The following ZNF836 variants were observed in gnomAD, a reference collection of about 807,000 sequenced individuals.
The protein encoded by ZNF836 is zinc finger protein 836.
A neutral mutation model predicts 7.4 loss-of-function variants in ZNF836; 12 were observed. The observed-to-expected ratio is 1.61, with a 90% CI of 1.03 to 2.61. ZNF836 has a LOEUF of 2.61. Among genes scored for constraint, ZNF836 ranks in the 30% most tolerant of loss-of-function variants. ZNF836 has a pLI of 0.00. For missense variants in ZNF836, 998 were observed against 1,126.2 expected (o/e 0.89, Z 1.63); for synonymous variants, 365 against 382.6 (o/e 0.95, Z 0.54).
Position 52,156,406 on chromosome 19 carries a change from C to G in ZNF836, c.1277G>C (p.Ser426Thr), listed in dbSNP as rs1433765075. The G allele has an allele frequency of 1.2e-6, 2 of 1,614,090 alleles. No homozygotes were observed. Among genetic ancestry groups the G allele is most frequent in the Non-Finnish European group, 1.7e-6 (2 of 1,180,014 alleles). The change falls in exon 5 of 5, where the codon AGC (serine) becomes ACC (threonine). Residue 426 changes from serine (S) to threonine (T), a missense_variant. Ser to Thr is a moderately conservative substitution (Grantham distance 58, BLOSUM62 1). Transcript: ENST00000682614. ...CDECGKTFKR[S>T]SSLTTHQIIH... ...TATCTGATGTGTAGTGAGGCTGGAG[C>G]TCCGTTTAAAGGTTTTGCCACACTC... is the stretch of plus-strand genomic sequence containing the variant.
At chr19:52,163,021 C>T (rs1458030873) in intron 3 of ZNF836, among the ~76,000 whole-genome samples, 2 of 152,184 alleles carry the variant, frequency 1.3e-5, no homozygotes, top group Admixed American at 6.5e-5. Flanking sequence ...AGGACCTCTG[C>T]TCTGAAATAC....
intron 2 of ZNF836, among the ~76,000 whole-genome samples, chr19:52,169,215 A>G (rs1299117692): frequency 6.6e-6 from 1 of 152,244 alleles, no homozygotes; most frequent in East Asian, 1.9e-4. Flanking sequence ...TTATTTATAG[A>G]AAGGCAGATA....
intron 3 of ZNF836, among the ~76,000 whole-genome samples, chr19:52,163,580 C>G (rs1268734941): frequency 1.3e-5 from 2 of 152,060 alleles, no homozygotes; most frequent in Non-Finnish European, 2.9e-5. Context: ...CGAAACCATC[C>G]TGGCCAACAT....
Position 52,160,181 on chromosome 19 carries a change from T to C in ZNF836, c.142+284A>G, listed in dbSNP as rs953599947. 3.2e-5 allele frequency: 15 copies of C among 475,150 alleles called. No homozygotes were observed. The African/African-American group carries it at 3.9e-4, about 12-fold the overall frequency. 29.4% of individuals were successfully genotyped at this position (475,150 alleles called of 1,614,324 possible). ...CTGGGAGACAAAGCTAGACTCTGTCTCCATTAAAAAAAAAAAAAAAAAAAA... is the reference window on the plus strand; with the variant it reads ...CTGGGAGACAAAGCTAGACTCTGTCCCCATTAAAAAAAAAAAAAAAAAAAA... On this transcript the variant is annotated intron_variant, in intron 4 of 4. Coordinates refer to ENST00000682614, the MANE Select transcript of ZNF836 (RefSeq NM_001102657.3).
At chr19:52,170,697 A>G (rs2089300868) in intron 1 of ZNF836, among the ~76,000 whole-genome samples, 2 of 151,692 alleles carry the variant, frequency 1.3e-5, no homozygotes, top group Admixed American at 6.6e-5. Context: ...GCAAATCCCT[A>G]AATTATCATC....
chr19:52,160,786 A>G (rs776839610), intron 3 of ZNF836, 195 bp from the exon 4 acceptor site: 7 of 607,780 alleles, frequency 1.2e-5, no homozygotes, highest in Non-Finnish European at 1.9e-5. Flanking sequence ...TATCCCGTAA[A>G]TCAGTGTAGG....
chr19:52,158,717 T>A (rs2089188083), intron 4 of ZNF836, among the ~76,000 whole-genome samples: 1 of 152,092 alleles, frequency 6.6e-6, no homozygotes, highest in Non-Finnish European at 1.5e-5. Flanking sequence ...CACTCCAGTC[T>A]GGGTGACAGA....
Position 52,155,265 on chromosome 19 carries a change from G to A in ZNF836, c.2418C>T (p.Tyr806=), listed in dbSNP as rs372069376. Residue 806 remains tyrosine (Y), a synonymous_variant, in exon 5 of 5, where the codon TAC becomes TAT. Coordinates refer to ENST00000682614, the MANE Select transcript of ZNF836 (RefSeq NM_001102657.3). ...HRSIHTGEKP[Y]VCNECGKAFR... is the part of the protein sequence containing the mutation. ...AGGCTTTGCCACACTCATTACACACGTAAGGTTTCTCTCCAGTATGAATAC... is the reference window on the plus strand; with the variant it reads ...AGGCTTTGCCACACTCATTACACACATAAGGTTTCTCTCCAGTATGAATAC... 3.3e-5 allele frequency: 54 copies of A among 1,613,680 alleles called. No individual in the cohort carries two copies. The South Asian group carries it at 5.1e-4, about 15-fold the overall frequency.
At chr19:52,170,399 A>T (rs931643735) in intron 1 of ZNF836, 17 of 150,592 alleles carry the variant, frequency 1.1e-4, no homozygotes, top group African/African-American at 4.2e-4. Flanking sequence ...AGCACCCCCA[A>T]CTCCCTAGGC....
rs752730601 is a variant in ZNF836, at chr19:52,157,012, C to T, written c.671G>A (p.Gly224Asp). Residue 224 changes from glycine (G) to aspartate (D), a missense_variant, in exon 5 of 5, where the codon GGC becomes GAC. Coordinates refer to ENST00000682614, the MANE Select transcript of ZNF836 (RefSeq NM_001102657.3). The part of the protein sequence containing the change: ...REKPYMCKGC[G>D]KAFRVSSSLI... ...ACTTGAAGACACTCTAAAGGCTTTGCCACACCCTTTACACATATAAGGTTT... is the reference window on the plus strand; with the variant it reads ...ACTTGAAGACACTCTAAAGGCTTTGTCACACCCTTTACACATATAAGGTTT... 1.2e-6 allele frequency: 2 copies of T among 1,614,162 alleles called. No homozygotes were observed. The highest frequency in any genetic ancestry group is 1.1e-5 in the South Asian group (1 of 91,088).
chr19:52,163,794 T>C lies in ZNF836; in HGVS notation c.16-3203A>G, dbSNP rs72483952. Reference sequence around the variant, plus strand: ...AGACACTAGGTAAGATCTAGTACCATAGGTGACTGCAGCACCAGAGTCTTC... The same window carrying C: ...AGACACTAGGTAAGATCTAGTACCACAGGTGACTGCAGCACCAGAGTCTTC... On this transcript the variant is annotated intron_variant, in intron 3 of 4. Coordinates refer to ENST00000682614, the MANE Select transcript of ZNF836 (RefSeq NM_001102657.3). 8.5e-4 allele frequency among the ~76,000 whole-genome samples: 129 copies of C among 151,872 alleles called. 1 individual carries two copies. In the East Asian group the frequency reaches 0.021, roughly 24 times the overall value.
At chr19:52,167,545 G>T (rs1253474981) in intron 3 of ZNF836, among the ~76,000 whole-genome samples, 1 of 146,250 alleles carries the variant, frequency 6.8e-6, no homozygotes, top group Non-Finnish European at 1.5e-5. Context: ...GTATCTAATT[G>T]TCCATTCCAT....
At chr19:52,171,242 G>C (rs1045769213) in intron 1 of ZNF836, 94 bp downstream of exon 1, 5 of 152,394 alleles carry the variant, frequency 3.3e-5, no homozygotes, top group African/African-American at 1.2e-4. Flanking sequence ...ACCTGAGTGG[G>C]GTTGTCTACA....
At chr19:52,169,888 G>A (rs2089295425) in intron 1 of ZNF836, 107 bp from the exon 2 acceptor site, 2 of 151,980 alleles carry the variant, frequency 1.3e-5, no homozygotes, top group Non-Finnish European at 2.9e-5. Context: ...CCATCCCAGG[G>A]AAGAAAAGAG....
chr19:52,165,444 A>G (rs2013899), intron 3 of ZNF836: 114,123 of 152,188 alleles, frequency 0.75, 43,087 homozygotes, highest in African/African-American at 0.79. Flanking sequence ...AAATATGTAC[A>G]CTTCAAAAAC....
At chr19:52,168,823 G>A (rs1297752888) in intron 2 of ZNF836, among the ~76,000 whole-genome samples, 1 of 152,098 alleles carries the variant, frequency 6.6e-6, no homozygotes, top group African/African-American at 2.4e-5. Flanking sequence ...CAACATGGAT[G>A]AACCTGGAAG....
chr19:52,156,314 G>A lies in ZNF836; in HGVS notation c.1369C>T (p.Leu457Phe). The A allele has an allele frequency of 6.2e-7, 1 of 1,614,214 alleles. No homozygotes were observed. Among genetic ancestry groups the A allele is most frequent in the Non-Finnish European group, 8.5e-7 (1 of 1,180,034 alleles). ...CDKVFSQRSQ[L>F]ARHQRSHTGE... is the part of the protein sequence containing the mutation. ...GTATGACTTCTCTGGTGCCTTGCAAGTTGTGAACGTTGACTGAAGACCTTG... is the reference window on the plus strand; with the variant it reads ...GTATGACTTCTCTGGTGCCTTGCAAATTGTGAACGTTGACTGAAGACCTTG... Residue 457 changes from leucine to phenylalanine, a missense_variant, in exon 5 of 5, where the codon CTT becomes TTT. By Grantham distance (22) the Leu-to-Phe change is conservative. Coordinates refer to ENST00000682614, the MANE Select transcript of ZNF836 (RefSeq NM_001102657.3).
rs758029663 is a variant in ZNF836 at position 52,156,640 on chromosome 19, T to C, written c.1043A>G (p.His348Arg). Residue 348 changes from histidine (H) to arginine (R), a missense_variant, in exon 5 of 5, where the codon CAT becomes CGT. Coordinates refer to ENST00000682614, the MANE Select transcript of ZNF836 (RefSeq NM_001102657.3). ...TFKQGSCLTTHQIIHTGEKPY... is the reference protein window; with the variant it reads ...TFKQGSCLTTRQIIHTGEKPY... ...TTTCTCTCCTGTATGGATTATCTGATGTGTAGTGAGGCATGAGCCTTGTTT... is the reference window on the plus strand; with the variant it reads ...TTTCTCTCCTGTATGGATTATCTGACGTGTAGTGAGGCATGAGCCTTGTTT... 6.2e-7 allele frequency: 1 copy of C among 1,613,454 alleles called. No homozygotes were observed. The highest frequency in any genetic ancestry group is 1.3e-5 in the African/African-American group (1 of 74,942).
Position 52,155,629 on chromosome 19 carries a change from A to G in ZNF836, c.2054T>C (p.Leu685Pro), listed in dbSNP as rs1175323346. The G allele has an allele frequency of 1.2e-5, 19 of 1,613,574 alleles. No individual in the cohort carries two copies. Among genetic ancestry groups the G allele is most frequent in the Non-Finnish European group, 1.4e-5 (17 of 1,179,880 alleles). Residue 685 changes from leucine to proline, a missense_variant, in exon 5 of 5, where the codon CTG becomes CCG. Physicochemically the swap from Leu to Pro is moderately conservative, Grantham distance 98. Transcript: ENST00000682614. ...AGGTTTCTCTCCAGTATGAATTATC[A>G]GATGTTTAGTGAGGCTTGAACGCTG... ...YTQRSSLTKH[L>P]IIHTGEKPYN...
Sources: gnomAD v4.1 joint callset for allele counts (sites outside exome capture counted in the v4.1 genomes callset) on GRCh38, gnomAD v4.1.1 for gene constraint, MANE v1.5 for transcripts, NCBI Gene and HGNC (gene_info 2026-07-23, HGNC 2026-07-21) for gene names.